SMYD3: variants seen among roughly 807,000 people sequenced by gnomAD.
SMYD3 encodes SET and MYND domain containing 3.
SMYD3 carries 36 observed loss-of-function variants against 57.7 expected under a neutral mutation model. The observed-to-expected ratio is 0.62, with a 90% CI of 0.48 to 0.82. The LOEUF (loss-of-function observed/expected upper bound fraction) is 0.82. Ranked by LOEUF, SMYD3 falls within the 40% of genes least tolerant of loss-of-function variation. The pLI is 0.00. For synonymous variants in SMYD3, 211 were observed against 195.0 expected (o/e 1.08, Z -0.68); for missense variants, 515 against 538.8 (o/e 0.96, Z 0.44).
chr1:246,418,374 G>T (rs1268576982), intron 1 of SMYD3, among the ~76,000 whole-genome samples: 1 of 152,192 alleles, frequency 6.6e-6, no homozygotes, highest in African/African-American at 2.4e-5. Flanking sequence ...CCTCTAGGGG[G>T]AGCATACAGA....
intron 5 of SMYD3, among the ~76,000 whole-genome samples, chr1:246,313,775 G>T (rs2065116125): frequency 6.6e-6 from 1 of 152,108 alleles, no homozygotes; most frequent in African/African-American, 2.4e-5. Context: ...GTGTTAATAA[G>T]GCCAAAGAGT....
At chr1:246,117,839 GA>G (rs1441070880) in intron 5 of SMYD3, among the ~76,000 whole-genome samples, 2 of 152,070 alleles carry the variant, frequency 1.3e-5, no homozygotes, top group Non-Finnish European at 2.9e-5. Flanking sequence ...TTTCATTTCC[GA>G]AAAACAGTAG....
intron 8 of SMYD3, among the ~76,000 whole-genome samples, chr1:245,867,091 A>C (rs2051897715): frequency 6.6e-6 from 1 of 152,258 alleles, no homozygotes; most frequent in Non-Finnish European, 1.5e-5. Context: ...TAAGGTTGCT[A>C]ATCAGCTGAC....
rs186742552 is a variant in SMYD3 at position 246,430,873 on chromosome 1, C to G, written c.165-75779G>C. Among the ~76,000 whole-genome samples, 11 of 152,248 alleles carry G rather than the reference C, an allele frequency of 7.2e-5. No homozygotes were observed. The East Asian group carries it at 1.9e-3, about 27-fold the overall frequency. On this transcript the variant is annotated intron_variant, in intron 1 of 11. Coordinates refer to ENST00000490107, the MANE Select transcript of SMYD3 (RefSeq NM_001167740.2). ...AGAGAAGGAGCTTATGTAGAAAAAG[C>G]AGCAGAAACTACACAACAAGAGGAA... is the stretch of plus-strand genomic sequence containing the variant.
At chr1:245,787,803 G>A (rs1041178945) in intron 10 of SMYD3, among the ~76,000 whole-genome samples, 10 of 152,032 alleles carry the variant, frequency 6.6e-5, no homozygotes, top group Non-Finnish European at 1.3e-4. Context: ...GAAGGAAAAG[G>A]ATTTTTGGGC....
chr1:245,910,695 A>G (rs1270231567), intron 8 of SMYD3, among the ~76,000 whole-genome samples: 1 of 152,166 alleles, frequency 6.6e-6, no homozygotes, highest in East Asian at 1.9e-4. Flanking sequence ...TAGATAGCCC[A>G]TATGCAAAAG....
At chr1:246,276,310 C>T (rs76393641) in intron 5 of SMYD3, among the ~76,000 whole-genome samples, 14 of 105,830 alleles carry the variant, frequency 1.3e-4, no homozygotes, top group South Asian at 4.2e-4. Flanking sequence ...TATTTAATGC[C>T]TCTAGTGGAG....
At chr1:245,914,753 A>G (rs1475353351) in intron 8 of SMYD3, among the ~76,000 whole-genome samples, 1 of 152,234 alleles carries the variant, frequency 6.6e-6, no homozygotes, top group African/African-American at 2.4e-5. Context: ...TTGAATATTC[A>G]TGACATAAAG....
intron 11 of SMYD3, among the ~76,000 whole-genome samples, chr1:245,762,397 T>C (rs778397999): frequency 3.9e-5 from 6 of 152,192 alleles, no homozygotes; most frequent in Non-Finnish European, 4.4e-5. Context: ...CTGTGTTGGG[T>C]GCATCGCACA....
intron 5 of SMYD3, among the ~76,000 whole-genome samples, chr1:246,147,950 C>T (rs2061879336): frequency 6.6e-6 from 1 of 152,110 alleles, no homozygotes; most frequent in African/African-American, 2.4e-5. Flanking sequence ...GTGTCTGCTC[C>T]CGCTTCCCAG....
chr1:246,299,744 A>G (rs1381242016), intron 5 of SMYD3, among the ~76,000 whole-genome samples: 1 of 152,150 alleles, frequency 6.6e-6, no homozygotes, highest in Admixed American at 6.6e-5. Context: ...ATAGAAAACC[A>G]AACACCGCAT....
chr1:246,197,995 G>A (rs890256488), intron 5 of SMYD3, among the ~76,000 whole-genome samples: 2 of 152,102 alleles, frequency 1.3e-5, no homozygotes, highest in Non-Finnish European at 2.9e-5. Context: ...AAAACTGCTG[G>A]ATCTGAATCC....
At chr1:245,935,042 G>T (rs994416867) in intron 5 of SMYD3, among the ~76,000 whole-genome samples, 31 of 152,198 alleles carry the variant, frequency 2.0e-4, no homozygotes, top group Non-Finnish European at 1.0e-4. Flanking sequence ...TGACTCCAAA[G>T]CACAATGTAG....
chr1:245,864,204 C>T (rs113949255), intron 8 of SMYD3, among the ~76,000 whole-genome samples: 4 of 152,264 alleles, frequency 2.6e-5, no homozygotes, highest in African/African-American at 9.6e-5. Flanking sequence ...AAGGGTTAAA[C>T]GTAGAGTTTT....
intron 8 of SMYD3, among the ~76,000 whole-genome samples, chr1:245,884,121 A>G (rs1032146425): frequency 7.2e-5 from 11 of 152,280 alleles, no homozygotes; most frequent in African/African-American, 2.2e-4. Flanking sequence ...GTACAAAACA[A>G]ATGCCACCAT....
At chr1:246,123,026 G>C (rs1205481856) in intron 5 of SMYD3, among the ~76,000 whole-genome samples, 4 of 152,116 alleles carry the variant, frequency 2.6e-5, no homozygotes, top group African/African-American at 9.7e-5. Context: ...TAGAGCTAAA[G>C]AGAAAAATTA....
chr1:245,886,060 G>A (rs2148566023), intron 8 of SMYD3, among the ~76,000 whole-genome samples: 1 of 152,216 alleles, frequency 6.6e-6, no homozygotes, highest in African/African-American at 2.4e-5. Context: ...CAATAAATAA[G>A]AAATTAGCAT....
intron 5 of SMYD3, among the ~76,000 whole-genome samples, chr1:246,000,662 C>T (rs886300561): frequency 2.0e-5 from 3 of 152,196 alleles, no homozygotes; most frequent in East Asian, 1.9e-4. Flanking sequence ...GCATCATGGC[C>T]AAAACAGTTA....
intron 10 of SMYD3, among the ~76,000 whole-genome samples, chr1:245,770,979 G>A (rs1349743095): frequency 6.6e-6 from 1 of 152,024 alleles, no homozygotes; most frequent in African/African-American, 2.4e-5. Flanking sequence ...AGGAGCAGAG[G>A]TCTCATATGT....
Sources: allele counts gnomAD v4.1 joint callset (sites outside exome capture counted in the v4.1 genomes callset), GRCh38; gene constraint gnomAD v4.1.1; transcripts MANE v1.5; gene names NCBI Gene and HGNC (gene_info 2026-07-23, HGNC 2026-07-21).